The following CTU2 variants were observed in gnomAD, a reference collection of about 807,000 sequenced individuals.
CTU2 encodes the protein cytoplasmic tRNA 2-thiolation protein 2.
Under a neutral mutation model 64.1 loss-of-function variants are expected in CTU2, and 80 were observed. The ratio of observed to expected loss-of-function variants is 1.25; its 90% CI spans 1.04 to 1.50. The LOEUF is 1.50. CTU2 is among the 40% of genes most tolerant of loss of function. CTU2 has a pLI of 0.00. For missense variants in CTU2, 1,110 were observed against 690.2 expected, an observed-to-expected ratio of 1.61 and a Z score of -6.81; for synonymous variants, 482 against 285.3, an observed-to-expected ratio of 1.69 and a Z score of -6.95.
rs139276441 is a variant in CTU2, at chr16:88,708,105, C to T, written c.143+895C>T. On this transcript the variant is annotated intron_variant, in intron 2 of 14. Coordinates refer to ENST00000453996, the MANE Select transcript of CTU2 (RefSeq NM_001012759.3). ...CTGGGATTACAGGCATGAGCCACCACACCTGGCCAAGATAGGTACTTCTTT... is the reference window on the plus strand; with the variant it reads ...CTGGGATTACAGGCATGAGCCACCATACCTGGCCAAGATAGGTACTTCTTT... Among the ~76,000 whole-genome samples the T allele has an allele frequency of 3.8e-3, 586 of 152,332 alleles. 2 individuals carry two copies. Among genetic ancestry groups the T allele is most frequent in the African/African-American group, 0.014 (566 of 41,560 alleles).
At chr16:88,711,855 C>T (rs944827781) in intron 5 of CTU2, among the ~76,000 whole-genome samples, 160 bp downstream of exon 5, 4 of 152,212 alleles carry the variant, frequency 2.6e-5, no homozygotes, top group African/African-American at 9.6e-5. Context: ...GTGGGGACAT[C>T]TCCCTGAAGG....
At chr16:88,711,522 A>ATTCC in intron 4 of CTU2, 113 bp from the exon 5 acceptor site, 1 of 1,092,454 alleles carries the variant, frequency 9.2e-7, no homozygotes, top group Non-Finnish European at 1.3e-6. Flanking sequence ...TGGCAGGGGA[A>ATTCC]GACCACTTCA....
At chr16:88,709,361 C>T (rs1234151524) in intron 2 of CTU2, 1 of 153,050 alleles carries the variant, frequency 6.5e-6, no homozygotes, top group Non-Finnish European at 1.5e-5. Context: ...GTGAGTGAGC[C>T]TCTTAGCCAT....
At chr16:88,711,804 A>G in intron 5 of CTU2, 109 bp downstream of exon 5, 1 of 1,068,384 alleles carries the variant, frequency 9.4e-7, no homozygotes, top group East Asian at 2.5e-5. Flanking sequence ...CTCTGGTAGG[A>G]TGTGTTGAGC....
In CTU2 at chr16:88,715,264, G is replaced by C. The variant is rs747170362; in HGVS notation, c.*13G>C. The C allele has an allele frequency of 3.1e-6, 5 of 1,609,804 alleles. No individual in the cohort carries two copies. The highest frequency in any genetic ancestry group is 4.2e-6 in the Non-Finnish European group (5 of 1,179,506). ...GGGCCAGAGCTGAGCGTGAGGACGT[G>C]CTTGCCGGGACAGCAGGCAGTGGCC... On this transcript the variant is annotated 3_prime_UTR_variant, in exon 15 of 15. Coordinates refer to ENST00000453996, the MANE Select transcript of CTU2 (RefSeq NM_001012759.3).
At chr16:88,707,998 G>C (rs762483336) in intron 2 of CTU2, among the ~76,000 whole-genome samples, 9 of 152,100 alleles carry the variant, frequency 5.9e-5, no homozygotes, top group Non-Finnish European at 1.3e-4. Context: ...ATTTTTAGTA[G>C]AGACAGGGTT....
Position 88,712,683 on chromosome 16 carries a change from G to A in CTU2, c.515G>A (p.Gly172Glu). 2.5e-6 allele frequency: 4 copies of A among 1,610,594 alleles called. No homozygotes were observed. The highest frequency in any genetic ancestry group is 1.1e-5 in the South Asian group (1 of 90,960). Residue 172 changes from glycine (G) to glutamate (E), a missense_variant, in exon 7 of 15, where the codon GGG becomes GAG. Coordinates refer to ENST00000453996, the MANE Select transcript of CTU2 (RefSeq NM_001012759.3). The part of the protein sequence containing the change: ...CSAQELVGSE[G>E]AYKAAVDSFL... ...GCCCAGGAGCTGGTGGGATCCGAGG[G>A]GGCCTACAAGGCGGCCGTGGACAGC...
At chr16:88,712,437 T>A in intron 6 of CTU2, 54 bp downstream of exon 6, 1 of 1,490,080 alleles carries the variant, frequency 6.7e-7, no homozygotes, top group Non-Finnish European at 9.1e-7. Flanking sequence ...GGGGGGCACC[T>A]GCCCGTGTCC....
chr16:88,712,791 T>A lies in CTU2; in HGVS notation c.623T>A (p.Leu208Gln). 6.2e-7 allele frequency: 1 copy of A among 1,608,224 alleles called. No homozygotes were observed. Among genetic ancestry groups the A allele is most frequent in the Non-Finnish European group, 8.5e-7 (1 of 1,177,966 alleles). The change falls in exon 7 of 15, where the codon CTG becomes CAG. Residue 208 changes from leucine to glutamine, a missense_variant. Physicochemically the swap from Leu to Gln is moderately radical, Grantham distance 113 (BLOSUM62 -2). Coordinates refer to ENST00000453996, the MANE Select transcript of CTU2 (RefSeq NM_001012759.3). ...GAGGAACAGCCACCCCAGCCCCCGC[T>A]GGACCCCCAGAACCTGGCAAGACCG... ...QGEEQPPQPP[L>Q]DPQNLARPPA...
In CTU2 at chr16:88,713,337, C is replaced by T. The variant is rs562321109; in HGVS notation, c.763C>T (p.Arg255Ter). 1.3e-5 allele frequency: 21 copies of T among 1,598,596 alleles called. 1 individual carries two copies. Among genetic ancestry groups the T allele is most frequent in the East Asian group, 1.2e-4 (5 of 42,332 alleles). The change falls in exon 8 of 15, where the codon CGA becomes TGA. Residue 255 changes from arginine to a stop codon, truncating the protein, a stop_gained. Transcript: ENST00000453996. LOFTEE classifies it high-confidence loss of function. ...LRTHLILHMA[R>*]AHGYSKVMTG... ...GACCCACCTGATCCTCCACATGGCC[C>T]GAGCCCACGGCTACTCCAAGGTCAT...
chr16:88,711,623 T>C lies in CTU2; in HGVS notation c.283-12T>C. The C allele has an allele frequency of 6.3e-7, 1 of 1,592,288 alleles. No homozygotes were observed. The highest frequency in any genetic ancestry group is 8.6e-7 in the Non-Finnish European group (1 of 1,165,854). Reference sequence around the variant, plus strand: ...TGGCTGGGGGCTGAGTCCCTGCTGCTTCTCCCTCTAGGGCCTGAGCCAAGA... The same window carrying C: ...TGGCTGGGGGCTGAGTCCCTGCTGCCTCTCCCTCTAGGGCCTGAGCCAAGA... On this transcript the variant is annotated splice_polypyrimidine_tract_variant and intron_variant, in intron 4 of 14. Coordinates refer to ENST00000453996, the MANE Select transcript of CTU2 (RefSeq NM_001012759.3).
Position 88,712,336 on chromosome 16 carries a change from AT to A in CTU2, c.408del (p.Leu137CysfsTer13). Reference protein sequence around the residue: ...RSKTLAEVKPILQATGFPWHV... With the variant: ...RSKTLAEVKPXLQATGFPWHV... Reference sequence around the variant, plus strand: ...AAAGACCCTGGCCGAAGTGAAGCCCATTCTGCAAGCAACTGGGTTCCCATGG... The same window carrying A: ...AAAGACCCTGGCCGAAGTGAAGCCCATCTGCAAGCAACTGGGTTCCCATGG... On this transcript the variant is annotated frameshift_variant, in exon 6 of 15. Transcript: ENST00000453996. LOFTEE classifies it high-confidence loss of function. The A allele has an allele frequency of 6.2e-7, 1 of 1,610,946 alleles. No individual in the cohort carries two copies. The highest frequency in any genetic ancestry group is 2.2e-5 in the East Asian group (1 of 44,834).
In CTU2 at chr16:88,709,702, G is replaced by A. The variant is rs575291019; in HGVS notation, c.144-236G>A. 15 of 550,756 alleles carry A rather than the reference G, an allele frequency of 2.7e-5. 1 individual carries two copies. The highest frequency in any genetic ancestry group is 2.1e-4 in the African/African-American group (11 of 52,906). The allele number at this position is 550,756 out of a possible 1,614,324, so 34.1% of individuals were successfully genotyped here. A position where few individuals can be genotyped will look rare whatever the true frequency, so the allele number is the denominator to read the frequency against. On this transcript the variant is annotated intron_variant, in intron 2 of 14. Transcript: ENST00000453996. ...TTTGCTGGATGCAGCCTCCGTGGCT[G>A]TGCAGTTTGTACCTGGTCGTGGGAG... is the stretch of plus-strand genomic sequence containing the variant.
In CTU2 at chr16:88,715,162, C is replaced by T. The variant is rs778653533; in HGVS notation, c.1479-20C>T. 1.2e-6 allele frequency: 2 copies of T among 1,611,042 alleles called. No individual in the cohort carries two copies. The highest frequency in any genetic ancestry group is 2.2e-5 in the East Asian group (1 of 44,878). ...GGTAAGGGGCCTCGGGGCTGGTGCCCACTGCAGCTTTCTCTCTAGGGCCTG... is the reference window on the plus strand; with the variant it reads ...GGTAAGGGGCCTCGGGGCTGGTGCCTACTGCAGCTTTCTCTCTAGGGCCTG... On this transcript the variant is annotated intron_variant, in intron 14 of 14. Transcript: ENST00000453996.
intron 2 of CTU2, among the ~76,000 whole-genome samples, chr16:88,708,287 G>T (rs1032855636): frequency 6.6e-6 from 1 of 152,172 alleles, no homozygotes; most frequent in East Asian, 1.9e-4. Flanking sequence ...GGCTCTCTAG[G>T]GGAAGGCCTT....
rs1911512696 is a variant in CTU2, at chr16:88,713,309, T to C, written c.738-3T>C. 3 of 1,511,976 alleles carry C rather than the reference T, an allele frequency of 2.0e-6. No individual in the cohort carries two copies. The highest frequency in any genetic ancestry group is 3.7e-5 in the Admixed American group (2 of 54,392). The allele number at this position is 1,511,976 out of a possible 1,614,324, so 93.7% of individuals were successfully genotyped here. ...CAGGCCCCTGAGACGCTCTGTGCTT[T>C]AGGACCCACCTGATCCTCCACATGG... On this transcript the variant is annotated splice_region_variant and splice_polypyrimidine_tract_variant and intron_variant, in intron 7 of 14. Coordinates refer to ENST00000453996, the MANE Select transcript of CTU2 (RefSeq NM_001012759.3).
rs1440920405 is a variant in CTU2 at position 88,707,225 on chromosome 16, T to G, written c.143+15T>G. 1 of 1,612,344 alleles carries G rather than the reference T, an allele frequency of 6.2e-7. No individual in the cohort carries two copies. The highest frequency in any genetic ancestry group is 1.1e-5 in the South Asian group (1 of 91,038). On this transcript the variant is annotated intron_variant, in intron 2 of 14. Transcript: ENST00000453996. ...GCCTTCTGCAGGTGAGGCCTGGAGGTGGCTGAGACCCTGGCAAACATGGCC... is the reference window on the plus strand; with the variant it reads ...GCCTTCTGCAGGTGAGGCCTGGAGGGGGCTGAGACCCTGGCAAACATGGCC...
Position 88,715,068 on chromosome 16 carries a change from GCC to G in CTU2, c.1441_1442del (p.Pro481ValfsTer5), listed in dbSNP as rs769393332. 6.4e-7 allele frequency: 1 copy of G among 1,572,588 alleles called. No individual in the cohort carries two copies. Among genetic ancestry groups the G allele is most frequent in the African/African-American group, 1.3e-5 (1 of 74,322 alleles). ...KDLPSLDPLP[P>X]YILAEAQLRT... ...TGCAGCCCTCACTGGACCCCCTGCC[GCC>G]GTACATCCTGGCTGAGGCCCAGCTC... On this transcript the variant is annotated frameshift_variant, in exon 14 of 15. Transcript: ENST00000453996. LOFTEE classifies it low-confidence loss of function (END_TRUNC).
rs1248591372 is a variant in CTU2 at position 88,715,172 on chromosome 16, T to C, written c.1479-10T>C. The C allele has an allele frequency of 5.0e-6, 8 of 1,611,380 alleles. No individual in the cohort carries two copies. Among genetic ancestry groups the C allele is most frequent in the Non-Finnish European group, 6.8e-6 (8 of 1,179,394 alleles). ...CTCGGGGCTGGTGCCCACTGCAGCTTTCTCTCTAGGGCCTGGGGCTTGCAG... is the reference window on the plus strand; with the variant it reads ...CTCGGGGCTGGTGCCCACTGCAGCTCTCTCTCTAGGGCCTGGGGCTTGCAG... On this transcript the variant is annotated splice_polypyrimidine_tract_variant and intron_variant, in intron 14 of 14. Transcript: ENST00000453996.
Sources: allele counts gnomAD v4.1 joint callset (sites outside exome capture counted in the v4.1 genomes callset), GRCh38; gene constraint gnomAD v4.1.1; transcripts MANE v1.5; gene names NCBI Gene and HGNC (gene_info 2026-07-23, HGNC 2026-07-21).